CACNA2D1: variants seen among roughly 807,000 people sequenced by gnomAD.
CACNA2D1 encodes the protein calcium voltage-gated channel auxiliary subunit alpha2delta 1, also known as voltage-dependent calcium channel subunit alpha-2/delta-1.
CACNA2D1 carries 53 observed loss-of-function variants against 171.5 expected under a neutral mutation model. That is an observed-to-expected ratio of 0.31 (90% CI 0.25 to 0.39). The LOEUF is 0.39. Ranked by LOEUF, CACNA2D1 falls within the 10% of genes least tolerant of loss-of-function variation. CACNA2D1 has a pLI of 1.00. For missense variants in CACNA2D1, 903 were observed against 1,299.8 expected (o/e 0.69, Z 4.69); for synonymous variants, 442 against 443.1 (o/e 1.00, Z 0.03).
At chr7:81,978,860 A>C (rs6963110) in intron 24 of CACNA2D1, among the ~76,000 whole-genome samples, 18,647 of 150,238 alleles carry the variant, frequency 0.12, 1,450 homozygotes, top group East Asian at 0.35. Flanking sequence ...AAAGGGCTTA[A>C]CATATGTTAA....
At chr7:82,026,674 A>G (rs1801961912) in intron 12 of CACNA2D1, among the ~76,000 whole-genome samples, 1 of 151,742 alleles carries the variant, frequency 6.6e-6, no homozygotes, top group Non-Finnish European at 1.5e-5. Context: ...CAGATCGCTC[A>G]CACAGGGTGG....
intron 3 of CACNA2D1, among the ~76,000 whole-genome samples, chr7:82,234,228 T>C (rs1322064011): frequency 6.6e-6 from 1 of 152,110 alleles, no homozygotes; most frequent in Non-Finnish European, 1.5e-5. Flanking sequence ...AGATAATTAT[T>C]GTAATGAAAA....
intron 20 of CACNA2D1, among the ~76,000 whole-genome samples, chr7:81,992,094 C>T (rs879555836): frequency 1.3e-4 from 19 of 151,510 alleles, no homozygotes; most frequent in Non-Finnish European, 1.5e-4. Flanking sequence ...CCACCCGCCT[C>T]GGCCTCCCAA....
chr7:82,100,607 A>G (rs1282566221), intron 6 of CACNA2D1, among the ~76,000 whole-genome samples: 1 of 152,196 alleles, frequency 6.6e-6, no homozygotes, highest in East Asian at 1.9e-4. Flanking sequence ...TAGCTTAAGA[A>G]ACTTTTATCT....
chr7:81,967,097 A>C, intron 31 of CACNA2D1, 72 bp downstream of exon 31: 1 of 1,098,628 alleles, frequency 9.1e-7, no homozygotes, highest in African/African-American at 1.6e-5. Flanking sequence ...ATATTTTTTC[A>C]TCACTATAGT....
chr7:82,396,846 T>TA (rs1825799270), intron 1 of CACNA2D1, among the ~76,000 whole-genome samples: 2 of 152,240 alleles, frequency 1.3e-5, no homozygotes, highest in Admixed American at 6.5e-5. Flanking sequence ...AAAAGTTTGC[T>TA]ACCTCCTCAT....
intron 1 of CACNA2D1, among the ~76,000 whole-genome samples, chr7:82,396,271 C>A (rs1825750987): frequency 6.6e-6 from 1 of 151,982 alleles, no homozygotes; most frequent in Non-Finnish European, 1.5e-5. Context: ...ATCGCCTGAG[C>A]CCAGGAGTTT....
intron 10 of CACNA2D1, among the ~76,000 whole-genome samples, chr7:82,041,116 G>A (rs1475067435): frequency 6.6e-6 from 1 of 152,096 alleles, no homozygotes; most frequent in African/African-American, 2.4e-5. Flanking sequence ...AATCTGCAAA[G>A]TGCCTTGGCT....
intron 4 of CACNA2D1, among the ~76,000 whole-genome samples, chr7:82,146,843 G>A (rs1199166919): frequency 6.6e-6 from 1 of 151,084 alleles, no homozygotes; most frequent in Non-Finnish European, 1.5e-5. Flanking sequence ...AAAATTAGTT[G>A]GCCATGGTGG....
chr7:81,996,812 A>G (rs551499395), intron 19 of CACNA2D1, among the ~76,000 whole-genome samples: 93 of 152,062 alleles, frequency 6.1e-4, no homozygotes, highest in South Asian at 1.7e-3. Context: ...GCTATTTCTT[A>G]TGTGTTTGGG....
chr7:82,329,850 A>C, intron 3 of CACNA2D1, among the ~76,000 whole-genome samples: 1 of 152,100 alleles, frequency 6.6e-6, no homozygotes, highest in East Asian at 1.9e-4. Context: ...GAGGGGAACA[A>C]ACTGGATTTT....
At chr7:82,301,358 C>T (rs1423022910) in intron 3 of CACNA2D1, among the ~76,000 whole-genome samples, 1 of 152,150 alleles carries the variant, frequency 6.6e-6, no homozygotes, top group African/African-American at 2.4e-5. Context: ...ACTCCAACCT[C>T]AGGTGATCCG....
intron 1 of CACNA2D1, among the ~76,000 whole-genome samples, chr7:82,429,153 T>G (rs1428118537): frequency 6.6e-6 from 1 of 152,236 alleles, no homozygotes; most frequent in Non-Finnish European, 1.5e-5. Flanking sequence ...TTTTCAGGTT[T>G]TATAATGTTT....
intron 2 of CACNA2D1, among the ~76,000 whole-genome samples, chr7:82,344,053 T>A: frequency 6.6e-6 from 1 of 152,212 alleles, no homozygotes; most frequent in East Asian, 1.9e-4. Flanking sequence ...TCAGTTCTTC[T>A]TGAGCAGTTT....
chr7:82,433,471 C>G (rs983145833), intron 1 of CACNA2D1, among the ~76,000 whole-genome samples: 1 of 152,214 alleles, frequency 6.6e-6, no homozygotes, highest in Non-Finnish European at 1.5e-5. Context: ...AATCATTCCT[C>G]TAAAAACATC....
At chr7:82,407,676 C>T (rs1027209228) in intron 1 of CACNA2D1, among the ~76,000 whole-genome samples, 1 of 152,072 alleles carries the variant, frequency 6.6e-6, no homozygotes, top group Non-Finnish European at 1.5e-5. Context: ...AAATAAGACA[C>T]AGCATCTGCA....
intron 4 of CACNA2D1, among the ~76,000 whole-genome samples, chr7:82,164,021 C>T (rs1333571109): frequency 2.0e-5 from 3 of 151,852 alleles, no homozygotes; most frequent in Non-Finnish European, 4.4e-5. Context: ...TAAAAGTGCA[C>T]AGCAAGTTGT....
At position 82,058,429 on chromosome 7, in the gene CACNA2D1, T is replaced by C. The variant is rs182463307; in HGVS notation, c.879+1999A>G. Among the ~76,000 whole-genome samples the C allele has an allele frequency of 3.7e-3, 568 of 152,284 alleles. 2 individuals are homozygous for C. Among genetic ancestry groups the C allele is most frequent in the Non-Finnish European group, 4.7e-3 (318 of 68,020 alleles). The stretch of plus-strand genomic sequence containing the variant: ...CTCTTTTGCTATGCCACAGATAGTA[T>C]TTTTAAAGAACTATCCCAATGGTTT... On this transcript the variant is annotated intron_variant, in intron 10 of 38. Transcript: ENST00000356860.
intron 3 of CACNA2D1, among the ~76,000 whole-genome samples, chr7:82,325,758 A>G (rs1474973273): frequency 6.6e-6 from 1 of 152,206 alleles, no homozygotes; most frequent in African/African-American, 2.4e-5. Context: ...CACACAAGGG[A>G]ACACCAAGTA....
Sources: gnomAD v4.1 joint callset for allele counts (sites outside exome capture counted in the v4.1 genomes callset) on GRCh38, gnomAD v4.1.1 for gene constraint, MANE v1.5 for transcripts, NCBI Gene and HGNC (gene_info 2026-07-23, HGNC 2026-07-21) for gene names.